The following UNC13B variants were observed in gnomAD, a reference collection of about 807,000 sequenced individuals.
UNC13B encodes the protein unc-13 homolog B, also known as protein unc-13 homolog B.
In UNC13B, 144 loss-of-function variants were observed where a neutral mutation model predicts 211.0. The observed-to-expected ratio is 0.68, with a 90% confidence interval of 0.60 to 0.78. UNC13B has a LOEUF of 0.78. Among genes scored for constraint, UNC13B ranks in the 30% least tolerant of loss-of-function variants. The probability of loss-of-function intolerance (pLI) is 0.00; values close to 1 mark genes in which losing one functional copy is unlikely to be tolerated. For missense variants in UNC13B, 1,777 were observed against 2,002.0 expected (o/e 0.89, Z 2.14); for synonymous variants, 709 against 725.8 (o/e 0.98, Z 0.37).
At chr9:35,316,100 G>T (rs868821079) in intron 11 of UNC13B, among the ~76,000 whole-genome samples, 1 of 152,232 alleles carries the variant, frequency 6.6e-6, no homozygotes. Context: ...GGATATGCTG[G>T]TATTTTGTTC....
chr9:35,281,309 G>A (rs1356983998), intron 7 of UNC13B, among the ~76,000 whole-genome samples: 1 of 150,822 alleles, frequency 6.6e-6, no homozygotes, highest in Non-Finnish European at 1.5e-5. Flanking sequence ...GCAGCTACTC[G>A]AGAGGCAGAG....
intron 7 of UNC13B, 133 bp from the exon 8 acceptor site, chr9:35,295,563 A>G: frequency 1.3e-6 from 1 of 742,038 alleles, no homozygotes; most frequent in South Asian, 1.8e-5. Context: ...TGAGGTCGTC[A>G]CTGGGCTCAT....
chr9:35,316,970 C>T (rs1428772290), intron 11 of UNC13B, among the ~76,000 whole-genome samples: 1 of 151,976 alleles, frequency 6.6e-6, no homozygotes, highest in Non-Finnish European at 1.5e-5. Context: ...TTTTTAGTTA[C>T]AGCAAAAAAA....
At chr9:35,362,716 T>C (rs146314722) in intron 11 of UNC13B, among the ~76,000 whole-genome samples, 3,498 of 149,030 alleles carry the variant, frequency 0.023, 126 homozygotes, top group African/African-American at 0.082. Flanking sequence ...AGGAGAATGG[T>C]GTGAACCCAG....
intron 6 of UNC13B, among the ~76,000 whole-genome samples, chr9:35,255,011 T>G (rs1826766968): frequency 1.8e-5 from 2 of 110,860 alleles, no homozygotes; most frequent in African/African-American, 6.6e-5. Flanking sequence ...TATTATATAT[T>G]AATATATGTA....
Position 35,314,007 on chromosome 9 carries a change from G to C in UNC13B, c.9414+18G>C. The C allele has an allele frequency of 6.2e-7, 1 of 1,602,268 alleles. No homozygotes were observed. Among genetic ancestry groups the C allele is most frequent in the Non-Finnish European group, 8.6e-7 (1 of 1,169,318 alleles). On this transcript the variant is annotated intron_variant, in intron 11 of 39. Coordinates refer to ENST00000635942, the MANE Select transcript of UNC13B (RefSeq NM_001371189.2). ...TGCAGGAGGTAGGAAATCTGTTCTA[G>C]TACTGGTTGGGACAATTTTTCCTTT... is the stretch of plus-strand genomic sequence containing the variant.
At chr9:35,399,482 G>A in intron 35 of UNC13B, 34 bp downstream of exon 35, 1 of 1,613,852 alleles carries the variant, frequency 6.2e-7, no homozygotes, top group Non-Finnish European at 8.5e-7. Context: ...TGGCAGGTGT[G>A]GTCCTTCTGA....
intron 1 of UNC13B, among the ~76,000 whole-genome samples, chr9:35,182,718 T>G (rs1400638244): frequency 6.6e-6 from 1 of 152,176 alleles, no homozygotes; most frequent in Non-Finnish European, 1.5e-5. Context: ...ACAAAGCACA[T>G]CTTGCACCGC....
chr9:35,167,904 G>C (rs1300116518), intron 1 of UNC13B, among the ~76,000 whole-genome samples: 5 of 151,658 alleles, frequency 3.3e-5, no homozygotes, highest in African/African-American at 1.2e-4. Flanking sequence ...CGTCCAGCCT[G>C]TAGATGGTTT....
intron 7 of UNC13B, among the ~76,000 whole-genome samples, chr9:35,288,882 G>C (rs1828936990): frequency 6.6e-6 from 1 of 152,122 alleles, no homozygotes. Flanking sequence ...CACTTGCCTG[G>C]AGCAATCTAA....
At chr9:35,242,143 A>C (rs1040308932) in intron 5 of UNC13B, among the ~76,000 whole-genome samples, 5 of 152,162 alleles carry the variant, frequency 3.3e-5, no homozygotes, top group Non-Finnish European at 5.9e-5. Context: ...AATGTTTAGG[A>C]ATGAGGATAT....
At chr9:35,353,196 A>G in intron 11 of UNC13B, 3 of 1,232,184 alleles carry the variant, frequency 2.4e-6, no homozygotes, top group African/African-American at 3.1e-5. Context: ...GTCCTCAAGG[A>G]TGTCTTTGAC....
chr9:35,397,081 C>T, intron 28 of UNC13B, 86 bp from the exon 29 acceptor site: 1 of 1,602,884 alleles, frequency 6.2e-7, no homozygotes, highest in Non-Finnish European at 8.5e-7. Context: ...ATTAGCCACT[C>T]TTGCTGGTCA....
chr9:35,188,918 T>G (rs1822504720), intron 1 of UNC13B, among the ~76,000 whole-genome samples: 1 of 152,234 alleles, frequency 6.6e-6, no homozygotes, highest in African/African-American at 2.4e-5. Context: ...ACAAACCTTT[T>G]ATAACCCTTT....
chr9:35,249,578 T>G (rs571665328), intron 6 of UNC13B, among the ~76,000 whole-genome samples: 1 of 152,296 alleles, frequency 6.6e-6, no homozygotes, highest in East Asian at 1.9e-4. Context: ...CAGCATTTGC[T>G]TGTCTGTAAA....
Position 35,307,648 on chromosome 9 carries a change from T to C in UNC13B, c.8244T>C (p.Asp2748=). ...GTGAGATAATTCATGCCCAGAAAGATCCACCTGTAGTACCCCAGGAAACAG... is the reference window on the plus strand; with the variant it reads ...GTGAGATAATTCATGCCCAGAAAGACCCACCTGTAGTACCCCAGGAAACAG... ...ESCEIIHAQK[D]PPVVPQETEQ... Residue 2748 remains aspartate (D), a synonymous_variant, in exon 9 of 40, where the codon GAT becomes GAC. Coordinates refer to ENST00000635942, the MANE Select transcript of UNC13B (RefSeq NM_001371189.2). 2.5e-6 allele frequency: 1 copy of C among 399,042 alleles called. No individual in the cohort carries two copies. Among genetic ancestry groups the C allele is most frequent in the African/African-American group, 2.1e-5 (1 of 48,720 alleles). The allele number at this position is 399,042 out of a possible 1,614,324, so 24.7% of individuals were successfully genotyped here. A position where few individuals can be genotyped will look rare whatever the true frequency, so the allele number is the denominator to read the frequency against.
chr9:35,222,227 A>C (rs754410892), intron 1 of UNC13B, among the ~76,000 whole-genome samples: 2 of 152,176 alleles, frequency 1.3e-5, no homozygotes, highest in Non-Finnish European at 2.9e-5. Context: ...TTTGTCTTGA[A>C]TATGTAGATT....
At chr9:35,288,142 T>C (rs1299271976) in intron 7 of UNC13B, among the ~76,000 whole-genome samples, 3 of 152,174 alleles carry the variant, frequency 2.0e-5, no homozygotes, top group Admixed American at 2.0e-4. Flanking sequence ...TATCAACAGA[T>C]GAGTGCACCA....
intron 8 of UNC13B, among the ~76,000 whole-genome samples, chr9:35,297,561 T>TTTTTTTTTTTTTGTTTTTTTTG: frequency 7.8e-6 from 1 of 128,164 alleles, no homozygotes; most frequent in African/African-American, 2.9e-5. Context: ...TTTTTTTTTT[T>TTTTTTTTTTTTTGTTTTTTTTG]TTTTTTGAGA....
Sources: allele counts gnomAD v4.1 joint callset (sites outside exome capture counted in the v4.1 genomes callset), GRCh38; gene constraint gnomAD v4.1.1; transcripts MANE v1.5; gene names NCBI Gene and HGNC (gene_info 2026-07-23, HGNC 2026-07-21).